The following AQR variants were observed in gnomAD, a reference collection of about 807,000 sequenced individuals.
The protein encoded by AQR is RNA helicase aquarius.
AQR carries 61 observed loss-of-function variants against 180.5 expected under a neutral mutation model. The observed-to-expected ratio is 0.34, with a 90% CI of 0.28 to 0.42. AQR has a LOEUF of 0.42. Ranked by LOEUF, AQR falls within the 10% of genes least tolerant of loss-of-function variation. AQR has a pLI of 1.00. For synonymous variants in AQR, 551 were observed against 588.8 expected (o/e 0.94, Z 0.93); for missense variants, 1,281 against 1,798.3 (o/e 0.71, Z 5.20).
intron 1 of AQR, among the ~76,000 whole-genome samples, chr15:34,964,645 G>T (rs1386591933): frequency 6.6e-6 from 1 of 151,914 alleles, no homozygotes; most frequent in Non-Finnish European, 1.5e-5. Flanking sequence ...ATCTGCCCAA[G>T]ATTACAGTTA....
chr15:34,877,170 C>A lies in AQR; in HGVS notation c.3166-1164G>T, dbSNP rs530241958. 6.4e-4 allele frequency among the ~76,000 whole-genome samples: 98 copies of A among 152,292 alleles called. 1 individual carries two copies. The highest frequency in any genetic ancestry group is 2.3e-3 in the African/African-American group (95 of 41,564). ...TCCTTCTTCGATAATTACTACTGTT[C>A]TATCTGTCCAATTCTCATTTAGATC... On this transcript the variant is annotated intron_variant, in intron 27 of 34. Coordinates refer to ENST00000156471, the MANE Select transcript of AQR (RefSeq NM_014691.3).
At position 34,856,857 on chromosome 15, in the gene AQR, C is replaced by T. The variant is rs755937407; in HGVS notation, c.4393G>A (p.Val1465Ile). 2.5e-6 allele frequency: 4 copies of T among 1,610,516 alleles called. No homozygotes were observed. In the African/African-American group the frequency reaches 5.3e-5, roughly 22 times the overall value. Residue 1465 changes from valine to isoleucine, a missense_variant, in exon 35 of 35, where the codon GTA (valine) becomes ATA (isoleucine). Around this residue, in one of 9 missense-constraint regions of AQR, gnomAD observed 182 missense variants for 185.3 expected, o/e 0.98. Transcript: ENST00000156471. ...SETTPTVVGAVSAPAEANTPQ... is the reference protein window; with the variant it reads ...SETTPTVVGAISAPAEANTPQ... ...GTGTTAGCTTCTGCCGGTGCAGATA[C>T]AGCTCCTACCACAGTAGGGGTGGTC...
chr15:34,915,712 G>C (rs758411012), intron 15 of AQR, among the ~76,000 whole-genome samples: 1 of 151,898 alleles, frequency 6.6e-6, no homozygotes, highest in Non-Finnish European at 1.5e-5. Context: ...TTGGGAAGCC[G>C]AGGCCGGTGG....
chr15:34,882,482 A>AAC lies in AQR; in HGVS notation c.3165+19_3165+20insGT, dbSNP rs1892988486. The AAC allele has an allele frequency of 6.8e-7, 1 of 1,472,458 alleles. No homozygotes were observed. Among genetic ancestry groups the AAC allele is most frequent in the Admixed American group, 2.7e-5 (1 of 37,182 alleles). 91.2% of individuals were successfully genotyped at this position (1,472,458 alleles called of 1,614,324 possible). ...GATAATCTTAAAAAAAAAAAAAAAA[A>AAC]AACTACCATAAGTCTTTACCTTGAA... On this transcript the variant is annotated intron_variant, in intron 27 of 34. Transcript: ENST00000156471.
rs1476420864 is a variant in AQR, at chr15:34,852,266, G to GT, written c.*4525dup. 1 of 151,948 alleles carries GT rather than the reference G, an allele frequency of 6.6e-6. No homozygotes were observed. The highest frequency in any genetic ancestry group is 1.5e-5 in the Non-Finnish European group (1 of 68,060). The allele number at this position is 151,948 out of a possible 1,614,324, so 9.4% of individuals were successfully genotyped here. A position where few individuals can be genotyped will look rare whatever the true frequency, so the allele number is the denominator to read the frequency against. On this transcript the variant is annotated 3_prime_UTR_variant, in exon 35 of 35. Coordinates refer to ENST00000156471, the MANE Select transcript of AQR (RefSeq NM_014691.3). ...GCTCACTGCAACCTCCCCATCCCGG[G>GT]TTCAAGTGATTCTCCTGCCTCAGCC...
intron 18 of AQR, among the ~76,000 whole-genome samples, chr15:34,906,315 G>A (rs1893416200): frequency 6.6e-6 from 1 of 152,164 alleles, no homozygotes; most frequent in African/African-American, 2.4e-5. Flanking sequence ...AGGTTGCAGT[G>A]AGCCGAGATT....
At chr15:34,936,230 T>C (rs10152246) in intron 9 of AQR, among the ~76,000 whole-genome samples, 97,102 of 152,070 alleles carry the variant, frequency 0.64, 32,356 homozygotes, top group South Asian at 0.75. Flanking sequence ...CTGGGCATTC[T>C]GTTTTTAATG....
At chr15:34,931,540 G>A (rs934396652) in intron 11 of AQR, among the ~76,000 whole-genome samples, 1 of 152,154 alleles carries the variant, frequency 6.6e-6, no homozygotes, top group African/African-American at 2.4e-5. Flanking sequence ...GGGTGCAGTG[G>A]TTCACGCCTG....
chr15:34,966,903 G>A (rs1000246314), intron 1 of AQR, among the ~76,000 whole-genome samples: 2 of 108,734 alleles, frequency 1.8e-5, no homozygotes, highest in African/African-American at 7.6e-5. Context: ...TTGAGATGGA[G>A]TTCGCTCTTG....
chr15:34,868,001 T>G (rs966029732), intron 31 of AQR: 15 of 176,970 alleles, frequency 8.5e-5, no homozygotes, highest in Non-Finnish European at 1.5e-4. Context: ...AACGTATCAC[T>G]AGTAAATGTC....
chr15:34,962,268 C>T (rs2050284170), intron 2 of AQR, among the ~76,000 whole-genome samples: 1 of 151,882 alleles, frequency 6.6e-6, no homozygotes. Context: ...AGTGACCTAC[C>T]GCCTCAGCCT....
Position 34,938,760 on chromosome 15 carries a change from A to G in AQR, c.695T>C (p.Val232Ala). Residue 232 changes from valine to alanine, a missense_variant, in exon 9 of 35, where the codon GTG (valine) becomes GCG (alanine). Around this residue, in one of 9 missense-constraint regions of AQR, gnomAD observed 404 missense variants for 490.9 expected, o/e 0.82. Coordinates refer to ENST00000156471, the MANE Select transcript of AQR (RefSeq NM_014691.3). ...ACCAGAAAGTGGGACTGATTTCAGC[A>G]CAGAGATAAACTTCTGGATGAGTTG... Reference protein sequence around the residue: ...LSQLIQKFISVLKSVPLSEPV... With the variant: ...LSQLIQKFISALKSVPLSEPV... The G allele has an allele frequency of 6.2e-7, 1 of 1,608,044 alleles. No homozygotes were observed. The highest frequency in any genetic ancestry group is 8.5e-7 in the Non-Finnish European group (1 of 1,175,504).
intron 32 of AQR, among the ~76,000 whole-genome samples, chr15:34,866,124 A>C (rs996997877): frequency 2.0e-4 from 30 of 152,188 alleles, no homozygotes; most frequent in Non-Finnish European, 3.5e-4. Flanking sequence ...CTGAAACAGA[A>C]ATAGTTCCTT....
At chr15:34,920,496 G>A (rs1344625906) in intron 13 of AQR, 62 bp from the exon 14 acceptor site, 3 of 1,264,148 alleles carry the variant, frequency 2.4e-6, no homozygotes, top group South Asian at 2.7e-5. Context: ...TTTGAAACAT[G>A]TATTTTTACA....
intron 19 of AQR, 52 bp downstream of exon 19, chr15:34,904,282 TAA>T: frequency 7.5e-7 from 1 of 1,337,928 alleles, no homozygotes; most frequent in South Asian, 1.7e-5. Context: ...ATTTATGTCA[TAA>T]AAGTTACTTA....
intron 12 of AQR, among the ~76,000 whole-genome samples, chr15:34,928,511 G>A (rs925004749): frequency 3.9e-5 from 6 of 152,194 alleles, no homozygotes; most frequent in Middle Eastern, 6.8e-3. Context: ...CCGTGTCCCC[G>A]CAAAGGACAT....
At chr15:34,935,532 G>A (rs1025021388) in intron 9 of AQR, among the ~76,000 whole-genome samples, 9 of 152,208 alleles carry the variant, frequency 5.9e-5, no homozygotes, top group South Asian at 2.1e-4. Flanking sequence ...ACAGGAAAAC[G>A]GAAAGCTTAA....
intron 10 of AQR, among the ~76,000 whole-genome samples, chr15:34,933,008 T>C (rs2140492863): frequency 6.6e-6 from 1 of 152,284 alleles, no homozygotes; most frequent in South Asian, 2.1e-4. Flanking sequence ...CAGATCATCT[T>C]GGCCAGTAGT....
intron 3 of AQR, among the ~76,000 whole-genome samples, chr15:34,959,009 AGATATAGATATAGATAT>A (rs1894375302): frequency 3.6e-5 from 5 of 140,506 alleles, no homozygotes; most frequent in Non-Finnish European, 7.8e-5. Flanking sequence ...ATATAGATAT[AGATATAGATATAGATAT>A]ATAGATATCT....
Sources: allele counts gnomAD v4.1 joint callset (sites outside exome capture counted in the v4.1 genomes callset), GRCh38; gene constraint gnomAD v4.1.1; regional missense constraint gnomAD v4.1.1; transcripts MANE v1.5; gene names NCBI Gene and HGNC (gene_info 2026-07-23, HGNC 2026-07-21).